The following CEP63 variants were observed in gnomAD, a reference collection of about 807,000 sequenced individuals.
The protein encoded by CEP63 is centrosomal protein of 63 kDa.
CEP63 carries 84 observed loss-of-function variants against 89.1 expected under a neutral mutation model. That is an observed-to-expected ratio of 0.94 (90% CI 0.79 to 1.13). The LOEUF (loss-of-function observed/expected upper bound fraction) is 1.13. Among genes scored for constraint, CEP63 ranks in the 50% most tolerant of loss-of-function variants. CEP63 has a pLI of 0.00. For synonymous variants in CEP63, 267 were observed against 272.5 expected (o/e 0.98, Z 0.20); for missense variants, 838 against 813.3 (o/e 1.03, Z -0.37).
intron 1 of CEP63, among the ~76,000 whole-genome samples, chr3:134,488,577 C>A (rs1258913405): frequency 1.3e-5 from 2 of 152,016 alleles, no homozygotes; most frequent in African/African-American, 4.8e-5. Flanking sequence ...CCATTGCTCT[C>A]CAGACCAGGC....
the CEP63 span, among the ~76,000 whole-genome samples, chr3:134,680,903 C>T: frequency 6.6e-6 from 1 of 152,220 alleles, no homozygotes; most frequent in Admixed American, 6.5e-5. Context: ...AGCCTGATAT[C>T]TTTCAACTGT....
intron 14 of CEP63, 32 bp downstream of exon 14, chr3:134,559,461 T>A: frequency 1.3e-6 from 2 of 1,592,128 alleles, no homozygotes. Flanking sequence ...AGTAATTTGT[T>A]AGTTTTTTAA....
intron 14 of CEP63, among the ~76,000 whole-genome samples, chr3:134,560,353 T>G (rs565517830): frequency 4.6e-5 from 7 of 152,350 alleles, no homozygotes; most frequent in Non-Finnish European, 7.3e-5. Flanking sequence ...TCCCTAAACT[T>G]TATCTGTAAC....
intron 5 of CEP63, among the ~76,000 whole-genome samples, chr3:134,533,775 A>C (rs762560323): frequency 9.9e-5 from 15 of 152,176 alleles, no homozygotes; most frequent in Non-Finnish European, 4.4e-5. Flanking sequence ...ACATTGTTCA[A>C]CATCTTTGTG....
At chr3:134,768,245 A>T in the CEP63 span, among the ~76,000 whole-genome samples, 2 of 152,190 alleles carry the variant, frequency 1.3e-5, no homozygotes, top group African/African-American at 4.8e-5. Flanking sequence ...GTGGCTGTGT[A>T]TGGGAATGGA....
chr3:134,694,913 G>A, the CEP63 span, among the ~76,000 whole-genome samples: 2 of 152,338 alleles, frequency 1.3e-5, no homozygotes, highest in South Asian at 2.1e-4. Context: ...GGGCACGTGT[G>A]TTTGTATTTG....
At chr3:134,613,226 T>A in the CEP63 span, 1 of 154,546 alleles carries the variant, frequency 6.5e-6, no homozygotes, top group Middle Eastern at 5.2e-4. Flanking sequence ...GAGAGGAATT[T>A]AGCATTTGTG....
chr3:134,740,250 A>G, the CEP63 span, among the ~76,000 whole-genome samples: 9 of 150,924 alleles, frequency 6.0e-5, no homozygotes, highest in Admixed American at 5.3e-4. Flanking sequence ...GGGTGGTAGG[A>G]GCACTTATTC....
intron 3 of CEP63, among the ~76,000 whole-genome samples, chr3:134,529,965 C>T (rs564394494): frequency 6.8e-6 from 1 of 147,028 alleles, no homozygotes; most frequent in Admixed American, 7.0e-5. Flanking sequence ...GCTCCGTCCT[C>T]TGGGTTCACA....
chr3:134,699,851 C>G, the CEP63 span, among the ~76,000 whole-genome samples: 2 of 152,244 alleles, frequency 1.3e-5, no homozygotes, highest in African/African-American at 2.4e-5. Context: ...CAGAAGAACA[C>G]TTTTTCCTTC....
chr3:134,713,166 G>A, the CEP63 span, among the ~76,000 whole-genome samples: 1 of 152,158 alleles, frequency 6.6e-6, no homozygotes, highest in Non-Finnish European at 1.5e-5. Context: ...CCTGGCATGG[G>A]CTCCAGGGAC....
chr3:134,522,911 A>G (rs943427983), intron 3 of CEP63, among the ~76,000 whole-genome samples: 2 of 152,114 alleles, frequency 1.3e-5, no homozygotes, highest in Admixed American at 1.3e-4. Flanking sequence ...TTTTTTGGGT[A>G]TATACCTAGT....
Position 134,546,332 on chromosome 3 carries a change from C to A in CEP63, c.929+44C>A, listed in dbSNP as rs148333590. 126 of 1,540,966 alleles carry A rather than the reference C, an allele frequency of 8.2e-5. No homozygotes were observed. The East Asian group carries it at 2.4e-3, about 29-fold the overall frequency. Reference sequence around the variant, plus strand: ...ATTATTCATCTTAGCCACTTAATGACTAGGTATTAAGCACTAGGCTTATTT... The same window carrying A: ...ATTATTCATCTTAGCCACTTAATGAATAGGTATTAAGCACTAGGCTTATTT... On this transcript the variant is annotated intron_variant, in intron 8 of 14. Coordinates refer to ENST00000675561, the MANE Select transcript of CEP63 (RefSeq NM_001353108.3).
At chr3:134,621,515 T>C in the CEP63 span, among the ~76,000 whole-genome samples, 2 of 152,164 alleles carry the variant, frequency 1.3e-5, no homozygotes, top group African/African-American at 4.8e-5. Flanking sequence ...AGTTTCCACA[T>C]GCAAAAGAAT....
chr3:134,585,282 G>C (rs1243375775), intron 10 of CEP63, among the ~76,000 whole-genome samples: 1 of 151,656 alleles, frequency 6.6e-6, no homozygotes, highest in East Asian at 1.9e-4. Flanking sequence ...GTGATGTTAG[G>C]GTGTCAATTT....
chr3:134,560,458 A>G (rs1957146067), intron 14 of CEP63, among the ~76,000 whole-genome samples: 1 of 152,240 alleles, frequency 6.6e-6, no homozygotes, highest in Non-Finnish European at 1.5e-5. Flanking sequence ...ATCCCAGCCA[A>G]GGTCGAAGTA....
chr3:134,495,336 G>A lies in CEP63; in HGVS notation c.16G>A (p.Glu6Lys). The change falls in exon 2 of 15, where the codon GAA (glutamate) becomes AAA (lysine). Residue 6 changes from glutamate (E) to lysine (K), a missense_variant. Glu to Lys is a moderately conservative substitution (Grantham distance 56). Coordinates refer to ENST00000675561, the MANE Select transcript of CEP63 (RefSeq NM_001353108.3). MEALL[E>K]GIQNRGHGGG... ...GGATTTGGTGATGGAGGCTTTGTTA[G>A]AAGGAATACAAAATCGAGGGCATGG... 6.2e-7 allele frequency: 1 copy of A among 1,613,760 alleles called. No homozygotes were observed.
intron 3 of CEP63, among the ~76,000 whole-genome samples, chr3:134,525,928 G>A (rs1276413077): frequency 6.6e-6 from 1 of 152,104 alleles, no homozygotes; most frequent in African/African-American, 2.4e-5. Flanking sequence ...ATGATCTTGT[G>A]AAGTATCTTA....
the CEP63 span, among the ~76,000 whole-genome samples, chr3:134,643,850 G>A: frequency 1.1e-4 from 15 of 138,370 alleles, no homozygotes; most frequent in African/African-American, 2.7e-4. Flanking sequence ...TTTTTGAGAC[G>A]GAGTCTCGCT....
Sources: gnomAD v4.1 joint callset for allele counts (sites outside exome capture counted in the v4.1 genomes callset) on GRCh38, gnomAD v4.1.1 for gene constraint, MANE v1.5 for transcripts, NCBI Gene and HGNC (gene_info 2026-07-23, HGNC 2026-07-21) for gene names.